CPT1A: variants seen among roughly 807,000 people sequenced by gnomAD.
CPT1A encodes the protein carnitine O-palmitoyltransferase 1, liver isoform.
Under a neutral mutation model 100.8 loss-of-function variants are expected in CPT1A, and 64 were observed. The ratio of observed to expected loss-of-function variants is 0.63; its 90% CI spans 0.52 to 0.78. The LOEUF (loss-of-function observed/expected upper bound fraction) is 0.78, where lower values mean the gene tolerates loss of function less well. CPT1A is among the 30% of genes least tolerant of loss of function. The pLI is 0.00. For missense variants in CPT1A, 802 were observed against 1,034.1 expected (o/e 0.78, Z 3.08); for synonymous variants, 363 against 396.0 (o/e 0.92, Z 0.99).
chr11:68,773,192 G>A (rs1855040343), intron 14 of CPT1A, 73 bp downstream of exon 14: 1 of 1,604,356 alleles, frequency 6.2e-7, no homozygotes, highest in East Asian at 2.2e-5. Context: ...CCTCCCCACT[G>A]GGTGAACAGT....
chr11:68,762,823 A>G, intron 14 of CPT1A, 62 bp from the exon 15 acceptor site: 1 of 1,605,208 alleles, frequency 6.2e-7, no homozygotes, highest in Non-Finnish European at 8.5e-7. Flanking sequence ...AAACGTAAGG[A>G]AGGATTGGGT....
In CPT1A at chr11:68,792,618, C is replaced by T. The variant is rs940236550; in HGVS notation, c.967+697G>A. On this transcript the variant is annotated intron_variant, in intron 9 of 18. Transcript: ENST00000265641. ...CTGGTTTGGACGGTGGCTTACGTGG[C>T]CACCCTGCCCAGGTCAGGCAGCTGA... Among the ~76,000 whole-genome samples the T allele has an allele frequency of 3.3e-5, 5 of 152,346 alleles. No individual in the cohort carries two copies. The East Asian group carries it at 7.7e-4, about 24-fold the overall frequency.
Position 68,796,159 on chromosome 11 carries a change from G to A in CPT1A, c.771+697C>T, listed in dbSNP as rs186933211. On this transcript the variant is annotated intron_variant, in intron 7 of 18. Transcript: ENST00000265641. The stretch of plus-strand genomic sequence containing the variant: ...AGAAAACAGTAGGGTGAAGCGCAGC[G>A]CACTGGTGGCAGGATCTTGGCCAAC... Among the ~76,000 whole-genome samples, 317 of 152,224 alleles carry A rather than the reference G, an allele frequency of 2.1e-3. 1 individual carries two copies. Among genetic ancestry groups the A allele is most frequent in the African/African-American group, 7.1e-3 (295 of 41,544 alleles).
At chr11:68,827,807 C>G (rs1217391845) in intron 1 of CPT1A, among the ~76,000 whole-genome samples, 1 of 152,200 alleles carries the variant, frequency 6.6e-6, no homozygotes, top group Non-Finnish European at 1.5e-5. Flanking sequence ...CACACAAATG[C>G]TGCCTACTCT....
chr11:68,804,196 T>C, intron 4 of CPT1A, 95 bp from the exon 5 acceptor site: 2 of 902,222 alleles, frequency 2.2e-6, no homozygotes, highest in Non-Finnish European at 3.6e-6. Context: ...GGGTCAGTCC[T>C]GGTTAGTACT....
At chr11:68,790,135 A>C (rs1459593015) in intron 9 of CPT1A, among the ~76,000 whole-genome samples, 1 of 151,948 alleles carries the variant, frequency 6.6e-6, no homozygotes, top group African/African-American at 2.4e-5. Context: ...GTGTGATCAC[A>C]GCTCAGCTCA....
At chr11:68,775,611 CAG>C (rs1855122510) in intron 12 of CPT1A, among the ~76,000 whole-genome samples, 179 bp from the exon 13 acceptor site, 1 of 152,190 alleles carries the variant, frequency 6.6e-6, no homozygotes, top group Non-Finnish European at 1.5e-5. Context: ...TCAGATGTGA[CAG>C]AGAGAGGACA....
In CPT1A at chr11:68,761,001, A is replaced by G. The variant is rs547036830; in HGVS notation, c.2028+534T>C. Among the ~76,000 whole-genome samples, 25 of 152,106 alleles carry G rather than the reference A, an allele frequency of 1.6e-4. No homozygotes were observed. The East Asian group carries it at 4.9e-3, about 30-fold the overall frequency. On this transcript the variant is annotated intron_variant, in intron 16 of 18. Transcript: ENST00000265641. ...GCGCCACTGCACTCCAGCCTGGGTG[A>G]CAGAGCGAGACTCCATCTCCAAAAA...
At chr11:68,812,266 AG>A (rs1856234130) in intron 3 of CPT1A, among the ~76,000 whole-genome samples, 170 bp downstream of exon 3, 3 of 152,186 alleles carry the variant, frequency 2.0e-5, no homozygotes, top group African/African-American at 4.8e-5. Flanking sequence ...GCAAACTCCT[AG>A]GGGGACCTTA....
chr11:68,821,475 A>C (rs992054532), intron 1 of CPT1A, among the ~76,000 whole-genome samples: 1 of 151,692 alleles, frequency 6.6e-6, no homozygotes, highest in Non-Finnish European at 1.5e-5. Context: ...TTTTGAGTAG[A>C]GACCTGGTTT....
intron 16 of CPT1A, 131 bp from the exon 17 acceptor site, chr11:68,760,469 A>T (rs1566338785): frequency 6.0e-6 from 4 of 671,292 alleles, no homozygotes; most frequent in East Asian, 4.0e-5. Flanking sequence ...ATGTCTCCAA[A>T]GGCCTCACTG....
intron 9 of CPT1A, among the ~76,000 whole-genome samples, chr11:68,787,431 CAAAA>C (rs773513607): frequency 2.8e-5 from 3 of 106,760 alleles, no homozygotes; most frequent in African/African-American, 3.5e-5. Flanking sequence ...GACTCTGTCT[CAAAA>C]AAAAAAAAAA....
Position 68,812,520 on chromosome 11 carries a change from C to A in CPT1A, c.198G>T (p.Val66=). The A allele has an allele frequency of 6.2e-7, 1 of 1,614,170 alleles. No homozygotes were observed. Among genetic ancestry groups the A allele is most frequent in the South Asian group, 1.1e-5 (1 of 91,090 alleles). ...PASPSSWLIV[V]VGVMTTMYAK... is the part of the protein sequence containing the mutation. Reference sequence around the variant, plus strand: ...CGTACATCGTTGTCATCACGCCCACCACCACGATAAGCCAACTGGAGGGGC... The same window carrying A: ...CGTACATCGTTGTCATCACGCCCACAACCACGATAAGCCAACTGGAGGGGC... The change falls in exon 3 of 19, where the codon GTG becomes GTT. Residue 66 remains valine (V), a synonymous_variant. Transcript: ENST00000265641.
chr11:68,773,572 C>G, intron 13 of CPT1A, 143 bp from the exon 14 acceptor site: 3 of 1,473,688 alleles, frequency 2.0e-6, no homozygotes, highest in Non-Finnish European at 1.8e-6. Context: ...GACCCAGAAG[C>G]CCTAGTAAGT....
At chr11:68,807,858 G>A (rs535248996) in intron 3 of CPT1A, among the ~76,000 whole-genome samples, 39 of 152,378 alleles carry the variant, frequency 2.6e-4, no homozygotes, top group Non-Finnish European at 4.4e-4. Context: ...GAAAGTAGCT[G>A]GCAGACCCAG....
At chr11:68,819,695 C>T (rs2154001761) in intron 1 of CPT1A, among the ~76,000 whole-genome samples, 1 of 152,348 alleles carries the variant, frequency 6.6e-6, no homozygotes, top group East Asian at 1.9e-4. Flanking sequence ...GTGAAACGCC[C>T]TCGCAGAGCG....
intron 4 of CPT1A, among the ~76,000 whole-genome samples, chr11:68,804,838 T>C (rs758602463): frequency 2.0e-5 from 3 of 152,010 alleles, no homozygotes; most frequent in Non-Finnish European, 2.9e-5. Flanking sequence ...GCAGTTTCTT[T>C]CCTTCAGTCA....
rs1857147850 is a variant in CPT1A, at chr11:68,841,067, G to A, written c.-14+708C>T. ...CGCCTGGAGTCCCTGCGCCAAGGGC[G>A]TGTCCCGACGGCTGCACCGCGAGGG... On this transcript the variant is annotated intron_variant, in intron 1 of 18. Coordinates refer to ENST00000265641, the MANE Select transcript of CPT1A (RefSeq NM_001876.4). The surrounding 1 kb of genome is among the most constrained non-coding windows in gnomAD (Gnocchi z 6.3). Among the ~76,000 whole-genome samples the A allele has an allele frequency of 6.6e-6, 1 of 152,268 alleles. No individual in the cohort carries two copies. The highest frequency in any genetic ancestry group is 1.5e-5 in the Non-Finnish European group (1 of 68,040).
intron 3 of CPT1A, among the ~76,000 whole-genome samples, chr11:68,811,814 A>C (rs938171613): frequency 6.6e-6 from 1 of 152,186 alleles, no homozygotes; most frequent in Non-Finnish European, 1.5e-5. Flanking sequence ...ATGTGCTATC[A>C]ACAGGCGGCA....
Sources: gnomAD v4.1 joint callset for allele counts (sites outside exome capture counted in the v4.1 genomes callset) on GRCh38, gnomAD v4.1.1 for gene constraint, Gnocchi (gnomAD v3.1) non-coding constraint, MANE v1.5 for transcripts, NCBI Gene and HGNC (gene_info 2026-07-23, HGNC 2026-07-21) for gene names.